The following MTMR10 variants were observed in gnomAD, a reference collection of about 807,000 sequenced individuals.
MTMR10 encodes myotubularin-related protein 10.
Under a neutral mutation model 88.1 loss-of-function variants are expected in MTMR10, and 56 were observed. That is an observed-to-expected ratio of 0.64 (90% CI 0.51 to 0.79). The LOEUF (loss-of-function observed/expected upper bound fraction) is 0.79, where lower values mean the gene tolerates loss of function less well. Among genes scored for constraint, MTMR10 ranks in the 30% least tolerant of loss-of-function variants. MTMR10 has a pLI of 0.00. For synonymous variants in MTMR10, 380 were observed against 340.9 expected, an observed-to-expected ratio of 1.11 and a Z score of -1.26; for missense variants, 883 against 924.7, an observed-to-expected ratio of 0.95 and a Z score of 0.58.
chr15:30,941,429 A>T lies in MTMR10; in HGVS notation c.*41T>A. 6.4e-7 allele frequency: 1 copy of T among 1,568,954 alleles called. No homozygotes were observed. The highest frequency in any genetic ancestry group is 8.6e-7 in the Non-Finnish European group (1 of 1,159,910). Reference sequence around the variant, plus strand: ...TAGCAATGTTAATTCAGAGGAAAAAAGTTGACAGCTTCCCTCAAAATGTTC... The same window carrying T: ...TAGCAATGTTAATTCAGAGGAAAAATGTTGACAGCTTCCCTCAAAATGTTC... On this transcript the variant is annotated 3_prime_UTR_variant, in exon 16 of 16. Coordinates refer to ENST00000435680, the MANE Select transcript of MTMR10 (RefSeq NM_017762.3).
At chr15:30,955,352 C>G (rs1486736825) in intron 9 of MTMR10, among the ~76,000 whole-genome samples, 1 of 152,200 alleles carries the variant, frequency 6.6e-6, no homozygotes, top group Non-Finnish European at 1.5e-5. Context: ...CTCACTGCAA[C>G]CTCCCCCTCC....
intron 1 of MTMR10, 90 bp downstream of exon 1, chr15:30,991,357 T>C (rs2031314614): frequency 7.8e-7 from 1 of 1,288,500 alleles, no homozygotes; most frequent in Non-Finnish European, 1.0e-6. Flanking sequence ...GCGCGCAGCC[T>C]CCTGGGGTCC....
chr15:30,971,381 G>C (rs1355584154), intron 5 of MTMR10, among the ~76,000 whole-genome samples: 2 of 152,154 alleles, frequency 1.3e-5, no homozygotes, highest in Admixed American at 6.5e-5. Context: ...CTGGGGTGCA[G>C]TACTGAAGAA....
intron 7 of MTMR10, among the ~76,000 whole-genome samples, chr15:30,960,431 G>C (rs561358332): frequency 6.6e-6 from 1 of 152,110 alleles, no homozygotes; most frequent in Non-Finnish European, 1.5e-5. Context: ...AACACATTAC[G>C]GGACACCCTG....
At chr15:30,982,003 G>A (rs2030609826) in intron 2 of MTMR10, among the ~76,000 whole-genome samples, 1 of 151,820 alleles carries the variant, frequency 6.6e-6, no homozygotes, top group Non-Finnish European at 1.5e-5. Context: ...CTCGGGAGCT[G>A]GAGGTTGCGG....
At chr15:30,933,759 T>G in the MTMR10 span, among the ~76,000 whole-genome samples, 2 of 140,362 alleles carry the variant, frequency 1.4e-5, no homozygotes, top group Admixed American at 7.0e-5. Context: ...TTTTCTTTTT[T>G]TTTTTGTTTT....
chr15:30,934,698 T>A (rs2062805261), downstream of MTMR10, among the ~76,000 whole-genome samples: 1 of 152,206 alleles, frequency 6.6e-6, no homozygotes, highest in South Asian at 2.1e-4. Context: ...TTTTAAAGAT[T>A]GCATTTGATA....
At chr15:30,943,935 AAAT>A (rs1436055803) in intron 14 of MTMR10, 2 of 985,340 alleles carry the variant, frequency 2.0e-6, no homozygotes, top group East Asian at 2.3e-4. Flanking sequence ...TCGCTGGAGG[AAAT>A]AACTCCAGAC....
At chr15:30,963,376 A>C (rs979406794) in intron 6 of MTMR10, among the ~76,000 whole-genome samples, 5 of 152,150 alleles carry the variant, frequency 3.3e-5, no homozygotes, top group Non-Finnish European at 7.4e-5. Context: ...CATGCCTGTA[A>C]TCCCAACACT....
chr15:30,941,804 T>A lies in MTMR10; in HGVS notation c.2000A>T (p.Glu667Val). The A allele has an allele frequency of 6.2e-7, 1 of 1,614,036 alleles. No individual in the cohort carries two copies. ...WKLCYFRWVP[E>V]AQISLGGSIT... ...GGAGCCACCCAGGCTGATCTGGGCCTCGGGAACCCAGCGGAAGTAGCACAG... is the reference window on the plus strand; with the variant it reads ...GGAGCCACCCAGGCTGATCTGGGCCACGGGAACCCAGCGGAAGTAGCACAG... Residue 667 changes from glutamate to valine, a missense_variant, in exon 16 of 16, where the codon GAG becomes GTG. Glu to Val is a moderately radical substitution (Grantham distance 121). Transcript: ENST00000435680.
chr15:30,927,093 C>T, the MTMR10 span: 1 of 946,158 alleles, frequency 1.1e-6, no homozygotes, highest in Non-Finnish European at 1.3e-6. Flanking sequence ...AGGAGGATCA[C>T]TTGAACTCTG....
At chr15:30,944,483 C>T (rs1177886274) in intron 14 of MTMR10, among the ~76,000 whole-genome samples, 1 of 151,044 alleles carries the variant, frequency 6.6e-6, no homozygotes, top group Non-Finnish European at 1.5e-5. Context: ...GGAGAATCAC[C>T]TGAACCTGGA....
the MTMR10 span, chr15:30,920,562 C>A: frequency 1.2e-6 from 2 of 1,609,514 alleles, no homozygotes; most frequent in Non-Finnish European, 8.5e-7. Context: ...GAAGATTTAC[C>A]ACTCTTCCTG....
At chr15:30,990,138 C>CA (rs1014936221) in intron 2 of MTMR10, among the ~76,000 whole-genome samples, 5 of 150,450 alleles carry the variant, frequency 3.3e-5, no homozygotes, top group African/African-American at 9.8e-5. Context: ...AGGTAGGGGA[C>CA]AAAAAAAAAT....
In MTMR10 at chr15:30,940,286, A is replaced by G; in HGVS notation, c.*1184T>C. On this transcript the variant is annotated 3_prime_UTR_variant, in exon 16 of 16. Coordinates refer to ENST00000435680, the MANE Select transcript of MTMR10 (RefSeq NM_017762.3). The stretch of plus-strand genomic sequence containing the variant: ...ACACAGTTTGGAAATACTTTACTTT[A>G]GAGAGATTCAGATCAAGCAAACAAC... 1.0e-6 allele frequency: 1 copy of G among 973,564 alleles called. No individual in the cohort carries two copies. Among genetic ancestry groups the G allele is most frequent in the Middle Eastern group, 5.3e-4 (1 of 1,898 alleles). The allele number at this position is 973,564 out of a possible 1,614,324, so 60.3% of individuals were successfully genotyped here.
In MTMR10 at chr15:30,991,489, C is replaced by T. The variant is rs1281978886; in HGVS notation, c.18G>A (p.Pro6=). The part of the protein sequence containing the change: MFSLK[P]PKPTFRSYLL... Reference sequence around the variant, plus strand: ...GGTAGGACCTGAAGGTGGGTTTGGGCGGCTTGAGGGAGAACATGGTGCCGC... The same window carrying T: ...GGTAGGACCTGAAGGTGGGTTTGGGTGGCTTGAGGGAGAACATGGTGCCGC... The change falls in exon 1 of 16, where the codon CCG becomes CCA. Residue 6 remains proline, a synonymous_variant. Coordinates refer to ENST00000435680, the MANE Select transcript of MTMR10 (RefSeq NM_017762.3). The T allele has an allele frequency of 2.0e-6, 3 of 1,518,230 alleles. No homozygotes were observed. Among genetic ancestry groups the T allele is most frequent in the African/African-American group, 1.5e-5 (1 of 68,282 alleles). 94.0% of individuals were successfully genotyped at this position (1,518,230 alleles called of 1,614,324 possible).
At chr15:30,938,252 G>A (rs775453487), downstream of MTMR10, among the ~76,000 whole-genome samples, 15 of 152,176 alleles carry the variant, frequency 9.9e-5, no homozygotes, top group Admixed American at 3.3e-4. Flanking sequence ...ATGGGAAACC[G>A]AGATTCTTGA....
intron 5 of MTMR10, chr15:30,968,219 G>T: frequency 2.5e-6 from 1 of 393,160 alleles, no homozygotes; most frequent in Non-Finnish European, 4.5e-6. Flanking sequence ...TTTATCTTTA[G>T]CTAGCACATG....
chr15:30,929,572 ATATT>A, the MTMR10 span, among the ~76,000 whole-genome samples: 9 of 125,112 alleles, frequency 7.2e-5, no homozygotes, highest in East Asian at 6.8e-4. Flanking sequence ...TATCTTTATT[ATATT>A]TATTATATTA....
Sources: allele counts gnomAD v4.1 joint callset (sites outside exome capture counted in the v4.1 genomes callset), GRCh38; gene constraint gnomAD v4.1.1; transcripts MANE v1.5; gene names NCBI Gene and HGNC (gene_info 2026-07-23, HGNC 2026-07-21).